Variants in GLIS3 observed in about 807,000 individuals in gnomAD.
GLIS3 encodes GLIS family zinc finger 3.
Under a neutral mutation model 78.6 loss-of-function variants are expected in GLIS3, and 53 were observed. The ratio of observed to expected loss-of-function variants is 0.67; its 90% CI spans 0.54 to 0.85. The LOEUF is 0.85. Among genes scored for constraint, GLIS3 ranks in the 40% least tolerant of loss-of-function variants. The probability of loss-of-function intolerance (pLI) is 0.00; values close to 1 mark genes in which losing one functional copy is unlikely to be tolerated. For missense variants in GLIS3, 1,703 were observed against 1,231.1 expected, an observed-to-expected ratio of 1.38 and a Z score of -5.74; for synonymous variants, 684 against 509.9, an observed-to-expected ratio of 1.34 and a Z score of -4.60.
At chr9:4,388,599 C>T in the GLIS3 span, among the ~76,000 whole-genome samples, 1 of 152,146 alleles carries the variant, frequency 6.6e-6, no homozygotes, top group Non-Finnish European at 1.5e-5. Flanking sequence ...TGGCTTGAAT[C>T]TGGGAGGCGG....
At chr9:4,265,640 C>A (rs1014060974) in intron 2 of GLIS3, among the ~76,000 whole-genome samples, 6 of 152,168 alleles carry the variant, frequency 3.9e-5, no homozygotes, top group Non-Finnish European at 5.9e-5. Context: ...CACAAGAACT[C>A]TTTTATCCAA....
chr9:4,255,741 A>AT (rs1249638482), intron 2 of GLIS3, among the ~76,000 whole-genome samples: 4 of 152,068 alleles, frequency 2.6e-5, no homozygotes, highest in Non-Finnish European at 5.9e-5. Context: ...GGCACAGAGG[A>AT]TTTTTAGGGC....
At chr9:4,203,608 A>C (rs1819597734) in intron 2 of GLIS3, among the ~76,000 whole-genome samples, 2 of 152,252 alleles carry the variant, frequency 1.3e-5, no homozygotes, top group Non-Finnish European at 2.9e-5. Flanking sequence ...ATCTGGGTAT[A>C]TATCCAAAAG....
intron 2 of GLIS3, among the ~76,000 whole-genome samples, chr9:4,138,522 C>G (rs978319704): frequency 2.0e-5 from 3 of 152,058 alleles, no homozygotes; most frequent in Non-Finnish European, 2.9e-5. Flanking sequence ...CTTTTAATGG[C>G]AGGAGGAGAG....
intron 2 of GLIS3, among the ~76,000 whole-genome samples, chr9:4,233,028 G>C (rs1822410519): frequency 6.6e-6 from 1 of 152,110 alleles, no homozygotes; most frequent in African/African-American, 2.4e-5. Flanking sequence ...ACCACCACAC[G>C]ACAGCAATGC....
At chr9:4,190,106 A>C (rs1818199083) in intron 2 of GLIS3, among the ~76,000 whole-genome samples, 1 of 152,186 alleles carries the variant, frequency 6.6e-6, no homozygotes, top group Admixed American at 6.5e-5. Flanking sequence ...AAAAACTGGA[A>C]ACTCTAAAAA....
chr9:4,011,433 T>A (rs1822000185), intron 4 of GLIS3, among the ~76,000 whole-genome samples: 1 of 152,202 alleles, frequency 6.6e-6, no homozygotes, highest in African/African-American at 2.4e-5. Flanking sequence ...CACTCGGCAT[T>A]CAGTGGCCTG....
chr9:4,397,377 T>C, the GLIS3 span, among the ~76,000 whole-genome samples: 1 of 151,820 alleles, frequency 6.6e-6, no homozygotes, highest in Non-Finnish European at 1.5e-5. Context: ...TTTTAACCTA[T>C]TGCAAGTTTG....
intron 4 of GLIS3, among the ~76,000 whole-genome samples, chr9:4,070,333 G>C (rs1827481790): frequency 6.6e-6 from 1 of 152,150 alleles, no homozygotes; most frequent in African/African-American, 2.4e-5. Flanking sequence ...GGGAAAACTA[G>C]TAAGCAAATT....
intron 4 of GLIS3, among the ~76,000 whole-genome samples, chr9:3,985,276 G>A (rs1328037429): frequency 6.6e-6 from 1 of 152,064 alleles, no homozygotes; most frequent in Non-Finnish European, 1.5e-5. Flanking sequence ...CTGAGTAGCT[G>A]GGACCACAGG....
At chr9:3,988,673 A>T (rs1563923461) in intron 4 of GLIS3, among the ~76,000 whole-genome samples, 1 of 152,170 alleles carries the variant, frequency 6.6e-6, no homozygotes, top group Non-Finnish European at 1.5e-5. Context: ...TCTTTACAAC[A>T]ATTGGTGCTG....
At chr9:4,419,637 G>A in the GLIS3 span, among the ~76,000 whole-genome samples, 303 of 142,608 alleles carry the variant, frequency 2.1e-3, 2 homozygotes, top group African/African-American at 8.6e-3. Context: ...AAAATTAGCC[G>A]GGCGTGGTGG....
chr9:4,115,069 C>A (rs1831530239), intron 4 of GLIS3, among the ~76,000 whole-genome samples: 1 of 152,142 alleles, frequency 6.6e-6, no homozygotes, highest in Non-Finnish European at 1.5e-5. Context: ...TGTAAGCAAG[C>A]CGTCACTGAG....
At chr9:4,247,781 ATAAT>A (rs943143254) in intron 2 of GLIS3, among the ~76,000 whole-genome samples, 2 of 152,232 alleles carry the variant, frequency 1.3e-5, no homozygotes, top group African/African-American at 4.8e-5. Context: ...AAGTTTTCTC[ATAAT>A]TATTTTACTT....
intron 2 of GLIS3, among the ~76,000 whole-genome samples, chr9:4,319,211 G>A (rs1010267121): frequency 6.6e-6 from 1 of 152,158 alleles, no homozygotes; most frequent in Non-Finnish European, 1.5e-5. Flanking sequence ...TAATGGTATT[G>A]CATTAATCCT....
chr9:4,159,030 G>GAAAAAAAAAAAA lies in GLIS3; in HGVS notation c.389-33090_389-33089insTTTTTTTTTTTT, dbSNP rs141412126. On this transcript the variant is annotated intron_variant, in intron 2 of 10. Coordinates refer to ENST00000381971, the MANE Select transcript of GLIS3 (RefSeq NM_001042413.2). ...GCTTGGTATGCTAGAGAAAGGAGAAGAAGAAAAAAAAAAAAAAAAGCCAGG... is the reference window on the plus strand; with the variant it reads ...GCTTGGTATGCTAGAGAAAGGAGAAGAAAAAAAAAAAAAAGAAAAAAAAAAAAAAAAGCCAGG... Among the ~76,000 whole-genome samples, 150 of 79,082 alleles carry GAAAAAAAAAAAA rather than the reference G, an allele frequency of 1.9e-3. 27 individuals carry two copies. Among genetic ancestry groups the GAAAAAAAAAAAA allele is most frequent in the African/African-American group, 5.5e-3 (113 of 20,588 alleles). 51.9% of individuals were successfully genotyped at this position (79,082 alleles called of 152,430 possible).
chr9:4,348,239 A>G (rs1183004961), exon 1 of GLIS3: 1 of 151,046 alleles, frequency 6.6e-6, no homozygotes, highest in Non-Finnish European at 1.5e-5. Context: ...TACCTGAAAG[A>G]AATTCAGAAA....
chr9:3,893,485 A>C (rs1167608856), intron 7 of GLIS3, among the ~76,000 whole-genome samples: 1 of 152,160 alleles, frequency 6.6e-6, no homozygotes, highest in Non-Finnish European at 1.5e-5. Flanking sequence ...TCTTAATCAA[A>C]ATATGAGCAG....
chr9:4,116,616 A>G (rs1015591757), intron 4 of GLIS3, among the ~76,000 whole-genome samples: 2 of 152,210 alleles, frequency 1.3e-5, no homozygotes, highest in African/African-American at 4.8e-5. Flanking sequence ...TGAATAAGAA[A>G]CCTTGGCCAA....
Sources: gnomAD v4.1 joint callset for allele counts (sites outside exome capture counted in the v4.1 genomes callset) on GRCh38, gnomAD v4.1.1 for gene constraint, MANE v1.5 for transcripts, NCBI Gene and HGNC (gene_info 2026-07-23, HGNC 2026-07-21) for gene names.